Variants in CSMD1 observed in about 807,000 individuals in gnomAD.
The protein encoded by CSMD1 is CUB and Sushi multiple domains 1.
A neutral mutation model predicts 417.5 loss-of-function variants in CSMD1; 213 were observed. That is an observed-to-expected ratio of 0.51 (90% CI 0.46 to 0.57). The LOEUF (loss-of-function observed/expected upper bound fraction) is 0.57. Ranked by LOEUF, CSMD1 falls within the 20% of genes least tolerant of loss-of-function variation. CSMD1 has a pLI of 0.00. For missense variants in CSMD1, 6,923 were observed against 4,529.7 expected, an observed-to-expected ratio of 1.53 and a Z score of -15.17; for synonymous variants, 2,862 against 1,736.8, an observed-to-expected ratio of 1.65 and a Z score of -16.11.
intron 3 of CSMD1, among the ~76,000 whole-genome samples, chr8:4,235,550 A>G (rs549740168): frequency 2.0e-5 from 3 of 152,224 alleles, no homozygotes; most frequent in African/African-American, 7.2e-5. Flanking sequence ...AAGTGCTCCG[A>G]ATATTTTCTT....
intron 3 of CSMD1, among the ~76,000 whole-genome samples, chr8:4,246,567 A>G (rs1032509368): frequency 6.6e-6 from 1 of 152,176 alleles, no homozygotes; most frequent in Non-Finnish European, 1.5e-5. Flanking sequence ...TTTCTTTAAA[A>G]TAATTATTTG....
At chr8:3,300,387 T>C (rs1804298876) in intron 25 of CSMD1, among the ~76,000 whole-genome samples, 1 of 152,116 alleles carries the variant, frequency 6.6e-6, no homozygotes, top group Admixed American at 6.6e-5. Context: ...CACTTTATTA[T>C]TTTAAAATTA....
At chr8:4,854,609 A>G (rs1801683958) in intron 1 of CSMD1, among the ~76,000 whole-genome samples, 1 of 152,154 alleles carries the variant, frequency 6.6e-6, no homozygotes. Context: ...GGGAAGCGGA[A>G]GGGGTCAGGG....
chr8:3,945,711 A>C lies in CSMD1; in HGVS notation c.818+52192T>G, dbSNP rs150201361. On this transcript the variant is annotated intron_variant, in intron 5 of 69. Transcript: ENST00000635120. ...GATAGCTCATCGACATTTAAAGCTC[A>C]TTTCCTTACCTTAGGTTACTAGGGG... Among the ~76,000 whole-genome samples the C allele has an allele frequency of 4.3e-3, 659 of 152,192 alleles. 2 individuals are homozygous for C. Among genetic ancestry groups the C allele is most frequent in the African/African-American group, 0.015 (624 of 41,544 alleles).
intron 12 of CSMD1, among the ~76,000 whole-genome samples, chr8:3,417,532 C>G (rs963438405): frequency 4.6e-5 from 7 of 152,184 alleles, no homozygotes; most frequent in African/African-American, 1.7e-4. Context: ...GGCTTAAAAA[C>G]TTTAATCACA....
intron 7 of CSMD1, among the ~76,000 whole-genome samples, chr8:3,697,372 ATTC>A (rs1554514698): frequency 1.3e-5 from 2 of 152,138 alleles, no homozygotes; most frequent in Non-Finnish European, 1.5e-5. Flanking sequence ...CTTTTTCTGA[ATTC>A]CCTTTGATCA....
intron 1 of CSMD1, among the ~76,000 whole-genome samples, chr8:4,866,858 A>T (rs1487191195): frequency 6.6e-6 from 1 of 151,988 alleles, no homozygotes; most frequent in Admixed American, 6.6e-5. Flanking sequence ...CTTTACCATT[A>T]ATATAAAACT....
intron 2 of CSMD1, among the ~76,000 whole-genome samples, chr8:4,606,636 A>C (rs1800884129): frequency 6.6e-6 from 1 of 152,200 alleles, no homozygotes; most frequent in African/African-American, 2.4e-5. Flanking sequence ...ATATGGGCTT[A>C]AGATTGCAGT....
At chr8:3,649,128 C>T (rs1797721284) in intron 7 of CSMD1, among the ~76,000 whole-genome samples, 2 of 152,246 alleles carry the variant, frequency 1.3e-5, no homozygotes, top group Admixed American at 6.5e-5. Flanking sequence ...AATACTGTAC[C>T]ATTCAGTTTA....
At chr8:3,806,069 C>G (rs775717513) in intron 5 of CSMD1, among the ~76,000 whole-genome samples, 1 of 152,094 alleles carries the variant, frequency 6.6e-6, no homozygotes, top group Non-Finnish European at 1.5e-5. Context: ...TATAATTGGA[C>G]AAAAATTGTT....
At chr8:3,810,817 G>T (rs1479341722) in intron 5 of CSMD1, among the ~76,000 whole-genome samples, 4 of 152,074 alleles carry the variant, frequency 2.6e-5, no homozygotes, top group African/African-American at 9.7e-5. Flanking sequence ...CTCACTCTTT[G>T]TAACACAAAA....
At chr8:4,544,923 T>G (rs568237533) in intron 2 of CSMD1, among the ~76,000 whole-genome samples, 1 of 152,342 alleles carries the variant, frequency 6.6e-6, no homozygotes, top group Admixed American at 6.5e-5. Flanking sequence ...ACATTGAAAT[T>G]CAGAAATATA....
intron 52 of CSMD1, among the ~76,000 whole-genome samples, chr8:3,009,257 G>C (rs559851043): frequency 6.6e-6 from 1 of 152,296 alleles, no homozygotes. Context: ...ACTAAATATT[G>C]GTCCGGGGAT....
chr8:4,260,982 T>C (rs1250159402), intron 3 of CSMD1, among the ~76,000 whole-genome samples: 1 of 152,224 alleles, frequency 6.6e-6, no homozygotes, highest in Non-Finnish European at 1.5e-5. Context: ...GCCTCTTTTG[T>C]AAACAACGTA....
chr8:4,057,558 T>C (rs1407296926), intron 3 of CSMD1, among the ~76,000 whole-genome samples: 1 of 152,182 alleles, frequency 6.6e-6, no homozygotes, highest in Admixed American at 6.5e-5. Flanking sequence ...TTTGTCAATT[T>C]TGGCTTTTGT....
intron 1 of CSMD1, among the ~76,000 whole-genome samples, chr8:4,961,242 T>C (rs1376459937): frequency 6.6e-6 from 1 of 152,180 alleles, no homozygotes. Flanking sequence ...ACTTCTGCAG[T>C]TATATAAAAT....
At chr8:3,788,416 G>T (rs1799560898) in intron 5 of CSMD1, among the ~76,000 whole-genome samples, 1 of 152,152 alleles carries the variant, frequency 6.6e-6, no homozygotes, top group Non-Finnish European at 1.5e-5. Flanking sequence ...TGAGGCTTCT[G>T]GAGGTGCCCA....
intron 6 of CSMD1, among the ~76,000 whole-genome samples, chr8:3,717,339 A>C (rs1801895945): frequency 6.6e-6 from 1 of 152,234 alleles, no homozygotes; most frequent in African/African-American, 2.4e-5. Context: ...AAATATGATT[A>C]AACATCTATT....
At chr8:3,116,712 G>A (rs775905212) in intron 42 of CSMD1, among the ~76,000 whole-genome samples, 31 of 152,104 alleles carry the variant, frequency 2.0e-4, no homozygotes, top group Non-Finnish European at 3.5e-4. Flanking sequence ...GAAAAACAAA[G>A]CTTGAGAAAG....
Sources: allele counts gnomAD v4.1 joint callset (sites outside exome capture counted in the v4.1 genomes callset), GRCh38; gene constraint gnomAD v4.1.1; transcripts MANE v1.5; gene names NCBI Gene and HGNC (gene_info 2026-07-23, HGNC 2026-07-21).